The following KCNH1 variants were observed in gnomAD, a reference collection of about 807,000 sequenced individuals.
The protein encoded by KCNH1 is potassium voltage-gated channel subfamily H member 1, also known as voltage-gated delayed rectifier potassium channel KCNH1.
Under a neutral mutation model 69.2 loss-of-function variants are expected in KCNH1, and 27 were observed. The ratio of observed to expected loss-of-function variants is 0.39; its 90% CI spans 0.29 to 0.54. The LOEUF (loss-of-function observed/expected upper bound fraction) is 0.54. Among genes scored for constraint, KCNH1 ranks in the 20% least tolerant of loss-of-function variants. The pLI is 0.68. For synonymous variants in KCNH1, 456 were observed against 487.7 expected (o/e 0.93, Z 0.86); for missense variants, 798 against 1,261.6 (o/e 0.63, Z 5.57).
At chr1:211,049,439 T>C (rs1690153002) in intron 5 of KCNH1, among the ~76,000 whole-genome samples, 1 of 152,168 alleles carries the variant, frequency 6.6e-6, no homozygotes, top group South Asian at 2.1e-4. Flanking sequence ...TACAAGAGCT[T>C]ACTTGACAGG....
chr1:210,895,178 G>C (rs1686839084), intron 7 of KCNH1, among the ~76,000 whole-genome samples: 1 of 149,334 alleles, frequency 6.7e-6, no homozygotes, highest in African/African-American at 2.5e-5. Flanking sequence ...TTTTTTTCAG[G>C]CAAGAGGGTA....
intron 6 of KCNH1, among the ~76,000 whole-genome samples, chr1:210,971,454 A>G (rs147829878): frequency 1.3e-5 from 2 of 152,318 alleles, no homozygotes; most frequent in African/African-American, 2.4e-5. Context: ...ATAAAATTAT[A>G]TGAACTTAAA....
At chr1:210,878,404 A>C (rs1454223852) in intron 7 of KCNH1, among the ~76,000 whole-genome samples, 1 of 152,108 alleles carries the variant, frequency 6.6e-6, no homozygotes, top group Non-Finnish European at 1.5e-5. Flanking sequence ...GGCCACAAAA[A>C]ACATCTTAAC....
At chr1:210,756,760 G>A (rs906283392) in intron 10 of KCNH1, among the ~76,000 whole-genome samples, 1 of 152,080 alleles carries the variant, frequency 6.6e-6, no homozygotes, top group African/African-American at 2.4e-5. Context: ...TTGTTCTTGG[G>A]GTCCCTAGAC....
At chr1:210,869,941 C>A (rs1456020929) in intron 7 of KCNH1, among the ~76,000 whole-genome samples, 1 of 152,082 alleles carries the variant, frequency 6.6e-6, no homozygotes, top group Non-Finnish European at 1.5e-5. Context: ...CTATAAAGAT[C>A]CTCAGCATTT....
chr1:211,044,689 G>A (rs1295369330), intron 5 of KCNH1, among the ~76,000 whole-genome samples: 1 of 152,044 alleles, frequency 6.6e-6, no homozygotes, highest in East Asian at 1.9e-4. Flanking sequence ...TCAGGGAAAT[G>A]CAAATCAAAA....
intron 6 of KCNH1, among the ~76,000 whole-genome samples, chr1:210,959,473 A>G (rs879755074): frequency 6.6e-6 from 1 of 152,216 alleles, no homozygotes; most frequent in Non-Finnish European, 1.5e-5. Context: ...TAGATGTTTA[A>G]GTCTGCAGAA....
At chr1:210,815,753 CAGG>C (rs1684801026) in intron 7 of KCNH1, among the ~76,000 whole-genome samples, 1 of 152,102 alleles carries the variant, frequency 6.6e-6, no homozygotes, top group Non-Finnish European at 1.5e-5. Context: ...CTCCCCCTAC[CAGG>C]AGACTGACTC....
intron 5 of KCNH1, among the ~76,000 whole-genome samples, chr1:211,028,160 A>G (rs1429337855): frequency 1.3e-5 from 2 of 152,154 alleles, no homozygotes; most frequent in African/African-American, 2.4e-5. Context: ...GAATCACACT[A>G]GAAACCAATA....
chr1:210,797,774 G>A lies in KCNH1; in HGVS notation c.1663-14C>T, dbSNP rs377689972. On this transcript the variant is annotated splice_polypyrimidine_tract_variant and intron_variant, in intron 8 of 10. Coordinates refer to ENST00000271751, the MANE Select transcript of KCNH1 (RefSeq NM_172362.3). Reference sequence around the variant, plus strand: ...GATCTGCAGGACCTAGCCAGGTACAGAAAAAAACAGTGTGAGGGTCCTCAC... The same window carrying A: ...GATCTGCAGGACCTAGCCAGGTACAAAAAAAAACAGTGTGAGGGTCCTCAC... 8.1e-6 allele frequency: 13 copies of A among 1,603,602 alleles called. No homozygotes were observed. The African/African-American group carries it at 1.7e-4, about 21-fold the overall frequency.
At position 210,693,524 on chromosome 1, in the gene KCNH1, A is replaced by G. The variant is rs377252353; in HGVS notation, c.2113-9386T>C. Among the ~76,000 whole-genome samples the G allele has an allele frequency of 2.3e-3, 355 of 152,328 alleles. 4 individuals are homozygous for G. The highest frequency in any genetic ancestry group is 8.3e-3 in the African/African-American group (343 of 41,572). ...ATCACAGATATGGAGGGGATGGCCC[A>G]GGGAAGCAGAGGAGTGGACAGATAA... On this transcript the variant is annotated intron_variant, in intron 10 of 10. Transcript: ENST00000271751.
intron 7 of KCNH1, among the ~76,000 whole-genome samples, chr1:210,876,556 G>A (rs919776784): frequency 1.3e-5 from 2 of 152,104 alleles, no homozygotes; most frequent in African/African-American, 2.4e-5. Context: ...AGGTCTATGG[G>A]AAAAATTGAA....
chr1:211,056,809 G>A (rs935599234), intron 5 of KCNH1, among the ~76,000 whole-genome samples: 6 of 152,202 alleles, frequency 3.9e-5, no homozygotes, highest in East Asian at 1.9e-4. Context: ...GTACCTCTAC[G>A]AGTCTGCAAG....
chr1:210,908,225 C>T (rs1359714504), intron 7 of KCNH1, among the ~76,000 whole-genome samples: 1 of 152,122 alleles, frequency 6.6e-6, no homozygotes, highest in East Asian at 1.9e-4. Context: ...TTCTAATTGG[C>T]TGACACATAG....
rs1681271389 is a variant in KCNH1, at chr1:210,681,730, G to A, written c.*1551C>T. ...TAACACAGGCAAAGGTAAGCTCCCT[G>A]GATAAGTCCATGCTGTCACCTGTAC... On this transcript the variant is annotated 3_prime_UTR_variant, in exon 11 of 11. Transcript: ENST00000271751. 6.6e-6 allele frequency: 1 copy of A among 152,214 alleles called. No individual in the cohort carries two copies. The highest frequency in any genetic ancestry group is 2.4e-5 in the African/African-American group (1 of 41,436). The allele number at this position is 152,214 out of a possible 1,614,324, so 9.4% of individuals were successfully genotyped here.
intron 5 of KCNH1, among the ~76,000 whole-genome samples, chr1:211,057,683 C>CAG: frequency 6.7e-6 from 1 of 149,514 alleles, no homozygotes; most frequent in East Asian, 2.0e-4. Context: ...ACAAAGAAGA[C>CAG]AGAGAGAGAG....
At chr1:211,036,397 G>T (rs1023963168) in intron 5 of KCNH1, among the ~76,000 whole-genome samples, 4 of 152,118 alleles carry the variant, frequency 2.6e-5, no homozygotes, top group African/African-American at 9.7e-5. Flanking sequence ...AGACTGGGAC[G>T]GTCAATTTCT....
chr1:211,107,294 A>T lies in KCNH1; in HGVS notation c.163T>A (p.Tyr55Asn). 6.2e-7 allele frequency: 1 copy of T among 1,613,962 alleles called. No homozygotes were observed. Among genetic ancestry groups the T allele is most frequent in the Non-Finnish European group, 8.5e-7 (1 of 1,179,902 alleles). ...TTTTGCATCACTTCTGCCCTGTGAT[A>T]GCCAGACAGCTTGCAAAATCCATCA... The part of the protein sequence containing the change: ...SNDGFCKLSG[Y>N]HRAEVMQKSS... Residue 55 changes from tyrosine to asparagine, a missense_variant, in exon 2 of 11, where the codon TAT becomes AAT. Transcript: ENST00000271751.
chr1:210,997,280 T>C (rs1558560290), intron 6 of KCNH1, among the ~76,000 whole-genome samples: 1 of 151,780 alleles, frequency 6.6e-6, no homozygotes, highest in African/African-American at 2.4e-5. Flanking sequence ...ATTAGACGAA[T>C]GGAAAACTAG....
Sources: allele counts gnomAD v4.1 joint callset (sites outside exome capture counted in the v4.1 genomes callset), GRCh38; gene constraint gnomAD v4.1.1; transcripts MANE v1.5; gene names NCBI Gene and HGNC (gene_info 2026-07-23, HGNC 2026-07-21).